STXBP6: variants seen among roughly 807,000 people sequenced by gnomAD.
The protein encoded by STXBP6 is syntaxin-binding protein 6.
A neutral mutation model predicts 26.9 loss-of-function variants in STXBP6; 21 were observed. That is an observed-to-expected ratio of 0.78 (90% CI 0.55 to 1.12). The LOEUF is 1.12. Ranked by LOEUF, STXBP6 falls within the 50% of genes most tolerant of loss-of-function variation. The pLI, the probability that STXBP6 is intolerant of heterozygous loss-of-function variation, is 0.00. For missense variants in STXBP6, 232 were observed against 257.9 expected, an observed-to-expected ratio of 0.90 and a Z score of 0.69; for synonymous variants, 97 against 92.6, an observed-to-expected ratio of 1.05 and a Z score of -0.27.
At chr14:24,962,327 ATTTATTTATTT>A (rs2073574795) in intron 2 of STXBP6, among the ~76,000 whole-genome samples, 1 of 128,500 alleles carries the variant, frequency 7.8e-6, no homozygotes, top group Admixed American at 7.7e-5. Context: ...TTATTTATTT[ATTTATTTATTT>A]ATTATTTTTG....
At chr14:24,924,217 C>T (rs527723818) in intron 2 of STXBP6, among the ~76,000 whole-genome samples, 1 of 152,156 alleles carries the variant, frequency 6.6e-6, no homozygotes, top group African/African-American at 2.4e-5. Context: ...TGTAATGCCA[C>T]CTGTCAAATA....
intron 1 of STXBP6, among the ~76,000 whole-genome samples, chr14:25,008,487 C>CA (rs2074955744): frequency 6.6e-6 from 1 of 152,108 alleles, no homozygotes; most frequent in Admixed American, 6.5e-5. Flanking sequence ...TTGTCTCAAA[C>CA]AAAAAGAGTT....
chr14:24,930,674 G>T (rs1775328014), intron 2 of STXBP6, among the ~76,000 whole-genome samples: 1 of 152,136 alleles, frequency 6.6e-6, no homozygotes, highest in Non-Finnish European at 1.5e-5. Flanking sequence ...GGGCTAAAAA[G>T]TCTGTGTCTG....
At chr14:24,904,659 A>G (rs2139664390) in intron 2 of STXBP6, among the ~76,000 whole-genome samples, 1 of 152,292 alleles carries the variant, frequency 6.6e-6, no homozygotes, top group South Asian at 2.1e-4. Context: ...GAAAGATACC[A>G]GGAGTGCATG....
In STXBP6 at chr14:25,050,094, A is replaced by G. The variant is rs2075784101; in HGVS notation, c.-249T>C. 1 of 156,556 alleles carries G rather than the reference A, an allele frequency of 6.4e-6. No homozygotes were observed. Among genetic ancestry groups the G allele is most frequent in the Admixed American group, 6.6e-5 (1 of 15,242 alleles). The allele number at this position is 156,556 out of a possible 1,614,324, so 9.7% of individuals were successfully genotyped here. ...TGGGGGGAAACTCCCGGCAACTCCA[A>G]CTCCGGGCGCTGGAGCTCCAGCTGC... On this transcript the variant is annotated 5_prime_UTR_variant, in exon 1 of 6. Coordinates refer to ENST00000323944, the MANE Select transcript of STXBP6 (RefSeq NM_001394410.1).
chr14:24,928,608 A>T (rs1421732219), intron 2 of STXBP6, among the ~76,000 whole-genome samples: 2 of 152,210 alleles, frequency 1.3e-5, no homozygotes, highest in African/African-American at 2.4e-5. Context: ...ACTGCTTCAG[A>T]TACTGATAAA....
chr14:25,041,462 T>C (rs907161343), intron 1 of STXBP6, among the ~76,000 whole-genome samples: 19 of 152,234 alleles, frequency 1.2e-4, no homozygotes, highest in African/African-American at 3.9e-4. Context: ...TGCTTCCTTA[T>C]TGCTCTTTAA....
intron 1 of STXBP6, among the ~76,000 whole-genome samples, chr14:24,975,684 T>A (rs879353654): frequency 5.3e-5 from 8 of 152,082 alleles, no homozygotes; most frequent in South Asian, 2.1e-4. Context: ...TCACAGTGAG[T>A]TCCCCCCAGA....
chr14:24,861,253 C>A lies in STXBP6; in HGVS notation c.155-4096G>T, dbSNP rs186419385. On this transcript the variant is annotated intron_variant, in intron 2 of 5. Coordinates refer to ENST00000323944, the MANE Select transcript of STXBP6 (RefSeq NM_001394410.1). ...TCTCTGCTCTGCTGGAGTCTAACCA[C>A]CAGACATTTTGATTTCAACAAGAGT... Among the ~76,000 whole-genome samples, 14 of 152,116 alleles carry A rather than the reference C, an allele frequency of 9.2e-5. No individual in the cohort carries two copies. In the East Asian group the frequency reaches 2.5e-3, roughly 27 times the overall value.
At chr14:25,045,674 G>A (rs1291248129) in intron 1 of STXBP6, among the ~76,000 whole-genome samples, 1 of 150,794 alleles carries the variant, frequency 6.6e-6, no homozygotes, top group African/African-American at 2.4e-5. Context: ...CACGATCTCG[G>A]CTCACTGCAA....
chr14:24,978,096 A>C (rs1228255469), intron 1 of STXBP6, among the ~76,000 whole-genome samples: 1 of 152,246 alleles, frequency 6.6e-6, no homozygotes, highest in East Asian at 1.9e-4. Context: ...TAGATGGAAA[A>C]GAATCAGAAA....
chr14:25,042,765 G>C (rs889292232), intron 1 of STXBP6, among the ~76,000 whole-genome samples: 1 of 152,172 alleles, frequency 6.6e-6, no homozygotes, highest in Non-Finnish European at 1.5e-5. Context: ...TACTGAATCA[G>C]AACCAGCATT....
chr14:24,998,267 G>A (rs2074658286), intron 1 of STXBP6, among the ~76,000 whole-genome samples: 1 of 152,126 alleles, frequency 6.6e-6, no homozygotes, highest in Non-Finnish European at 1.5e-5. Flanking sequence ...GATTGTCTTT[G>A]TATATGGTTG....
chr14:24,976,987 C>A, intron 1 of STXBP6, among the ~76,000 whole-genome samples: 1 of 151,218 alleles, frequency 6.6e-6, no homozygotes, highest in East Asian at 1.9e-4. Context: ...CTCAGCCTCC[C>A]CAGTAGCTGT....
At chr14:25,015,618 G>C (rs1481462410) in intron 1 of STXBP6, among the ~76,000 whole-genome samples, 1 of 151,940 alleles carries the variant, frequency 6.6e-6, no homozygotes, top group Admixed American at 6.6e-5. Context: ...ATTTCACTTA[G>C]AAAATAACTG....
At chr14:25,000,304 A>C (rs1460936172) in intron 1 of STXBP6, among the ~76,000 whole-genome samples, 12 of 150,416 alleles carry the variant, frequency 8.0e-5, no homozygotes, top group East Asian at 3.9e-4. Context: ...ACCTCGTGAT[A>C]CGCCCGCCTC....
intron 1 of STXBP6, among the ~76,000 whole-genome samples, chr14:24,984,948 G>C (rs1478266899): frequency 2.0e-5 from 3 of 152,156 alleles, no homozygotes; most frequent in Non-Finnish European, 2.9e-5. Flanking sequence ...AGAAAGGTAC[G>C]GAAAGGTGAG....
chr14:25,022,919 T>C (rs2075285590), intron 1 of STXBP6, among the ~76,000 whole-genome samples: 1 of 152,184 alleles, frequency 6.6e-6, no homozygotes, highest in Non-Finnish European at 1.5e-5. Flanking sequence ...ACCCCTCTCC[T>C]ACCCAAAGCT....
At chr14:25,011,761 GGAT>G (rs532821356) in intron 1 of STXBP6, among the ~76,000 whole-genome samples, 4 of 152,142 alleles carry the variant, frequency 2.6e-5, no homozygotes, top group African/African-American at 9.6e-5. Context: ...GCCAACTACA[GGAT>G]GAAAAAAAAG....
Sources: gnomAD v4.1 joint callset for allele counts (sites outside exome capture counted in the v4.1 genomes callset) on GRCh38, gnomAD v4.1.1 for gene constraint, MANE v1.5 for transcripts, NCBI Gene and HGNC (gene_info 2026-07-23, HGNC 2026-07-21) for gene names.